RBM27: variants seen among roughly 807,000 people sequenced by gnomAD.
The protein encoded by RBM27 is RNA-binding protein 27.
In RBM27, 22 loss-of-function variants were observed where a neutral mutation model predicts 135.3. The ratio of observed to expected loss-of-function variants is 0.16; its 90% CI spans 0.12 to 0.23. The LOEUF is 0.23. Among genes scored for constraint, RBM27 ranks in the 10% least tolerant of loss-of-function variants. The pLI is 1.00. For synonymous variants in RBM27, 481 were observed against 442.4 expected, an observed-to-expected ratio of 1.09 and a Z score of -1.10; for missense variants, 1,009 against 1,281.0, an observed-to-expected ratio of 0.79 and a Z score of 3.24.
rs192861352 is a variant in RBM27 at position 146,233,709 on chromosome 5, T to A, written c.1110T>A (p.Gly370=). 3.2e-5 allele frequency: 48 copies of A among 1,481,942 alleles called. No individual in the cohort carries two copies. The East Asian group carries it at 1.1e-3, about 33-fold the overall frequency. The allele number at this position is 1,481,942 out of a possible 1,614,324, so 91.8% of individuals were successfully genotyped here. A position where few individuals can be genotyped will look rare whatever the true frequency, so the allele number is the denominator to read the frequency against. Residue 370 remains glycine, a synonymous_variant, in exon 7 of 21, where the codon GGT becomes GGA. Transcript: ENST00000265271. The part of the protein sequence containing the change: ...SMRLPVPQGH[G]QPPPSVVLPI... ...GACTTCCTGTTCCCCAAGGACATGG[T>A]CAGCCTCCACCATCCGTTGTGCTTC... is the stretch of plus-strand genomic sequence containing the variant.
intron 1 of RBM27, among the ~76,000 whole-genome samples, chr5:146,205,572 G>A (rs564139271): frequency 2.0e-5 from 3 of 149,718 alleles, no homozygotes; most frequent in Admixed American, 6.7e-5. Flanking sequence ...AAGAATATAG[G>A]TCTCTTGAAT....
chr5:146,258,636 G>A (rs766912231), intron 11 of RBM27, 43 bp downstream of exon 11: 72 of 1,422,718 alleles, frequency 5.1e-5, no homozygotes, highest in East Asian at 3.4e-4. Context: ...TGTTATTGTC[G>A]TTTGCATTGG....
chr5:146,219,233 C>T (rs1345326048), intron 2 of RBM27, 130 bp downstream of exon 2: 2 of 567,532 alleles, frequency 3.5e-6, no homozygotes, highest in Non-Finnish European at 6.1e-6. Flanking sequence ...TTGAATATAC[C>T]CATTCATACT....
At chr5:146,218,263 G>C (rs1234812157) in intron 1 of RBM27, among the ~76,000 whole-genome samples, 5 of 152,152 alleles carry the variant, frequency 3.3e-5, no homozygotes, top group African/African-American at 1.2e-4. Flanking sequence ...AGGATTATGA[G>C]CTGTCCTGGA....
chr5:146,209,408 T>C (rs2126673097), intron 1 of RBM27, among the ~76,000 whole-genome samples: 1 of 152,306 alleles, frequency 6.6e-6, no homozygotes, highest in South Asian at 2.1e-4. Context: ...CATATCAGTG[T>C]CTTTTAAAGT....
intron 8 of RBM27, among the ~76,000 whole-genome samples, chr5:146,248,078 G>GT (rs1268393790): frequency 6.6e-6 from 1 of 151,174 alleles, no homozygotes; most frequent in Non-Finnish European, 1.5e-5. Context: ...TGATTCCCTA[G>GT]TTTTTTCCAA....
intron 11 of RBM27, among the ~76,000 whole-genome samples, 179 bp downstream of exon 11, chr5:146,258,772 T>C (rs1020108664): frequency 1.3e-5 from 2 of 150,816 alleles, no homozygotes; most frequent in African/African-American, 5.0e-5. Context: ...TTTATAATTT[T>C]TTTTTTTTTT....
At chr5:146,270,826 C>T (rs1758829834) in intron 17 of RBM27, 128 bp from the exon 18 acceptor site, 4 of 555,266 alleles carry the variant, frequency 7.2e-6, no homozygotes, top group Non-Finnish European at 1.3e-5. Flanking sequence ...TTAAAAACAC[C>T]CATGTTTATT....
In RBM27 at chr5:146,271,199, G is replaced by T; in HGVS notation, c.2796+141G>T. On this transcript the variant is annotated intron_variant, in intron 18 of 20. Coordinates refer to ENST00000265271, the MANE Select transcript of RBM27 (RefSeq NM_018989.2). ...GTGGATCACCTGAGGTCAAGAGTTT[G>T]AGACAAGCCTGACCAACATGGAGAA... is the stretch of plus-strand genomic sequence containing the variant. 4.8e-6 allele frequency: 3 copies of T among 627,416 alleles called. No individual in the cohort carries two copies. The South Asian group carries it at 5.8e-5, about 12-fold the overall frequency. The allele number at this position is 627,416 out of a possible 1,614,324, so 38.9% of individuals were successfully genotyped here.
At chr5:146,216,001 G>A (rs1346918576) in intron 1 of RBM27, among the ~76,000 whole-genome samples, 2 of 152,016 alleles carry the variant, frequency 1.3e-5, no homozygotes, top group African/African-American at 2.4e-5. Flanking sequence ...CTCCTGCCTC[G>A]ACCTCCCAAG....
Position 146,270,980 on chromosome 5 carries a change from A to G in RBM27, c.2718A>G (p.Glu906=). The change falls in exon 18 of 21, where the codon GAA becomes GAG. Residue 906 remains glutamate (E), a synonymous_variant. Coordinates refer to ENST00000265271, the MANE Select transcript of RBM27 (RefSeq NM_018989.2). ...TEAQKELLDT[E]LDLHKRLSSG... is the part of the protein sequence containing the mutation. ...CCCAGAAGGAGTTATTAGATACTGA[A>G]CTGGACCTCCACAAGAGGCTGTCCT... 1 of 1,613,316 alleles carries G rather than the reference A, an allele frequency of 6.2e-7. No homozygotes were observed. Among genetic ancestry groups the G allele is most frequent in the South Asian group, 1.1e-5 (1 of 91,076 alleles).
chr5:146,225,098 A>G (rs1756614779), intron 3 of RBM27, among the ~76,000 whole-genome samples: 1 of 152,124 alleles, frequency 6.6e-6, no homozygotes, highest in East Asian at 1.9e-4. Context: ...TGATCAAGCA[A>G]TGTCCTTTTT....
intron 14 of RBM27, among the ~76,000 whole-genome samples, chr5:146,266,406 A>G (rs1364607082): frequency 6.6e-6 from 1 of 152,236 alleles, no homozygotes; most frequent in Non-Finnish European, 1.5e-5. Flanking sequence ...ACTTTAATAG[A>G]TCCCATTTCA....
intron 1 of RBM27, among the ~76,000 whole-genome samples, chr5:146,212,495 C>T (rs909555679): frequency 6.6e-6 from 1 of 151,894 alleles, no homozygotes; most frequent in African/African-American, 2.4e-5. Context: ...ACTATAGGTG[C>T]ATGCCACCAC....
chr5:146,251,828 C>T lies in RBM27; in HGVS notation c.1397C>T (p.Ser466Phe), dbSNP rs750987695. ...LVPPRNLMGS[S>F]IGYHTSVSSP... Reference sequence around the variant, plus strand: ...CCACCTCGAAACCTCATGGGATCCTCCATTGGATACCATACCTCAGTCTCC... The same window carrying T: ...CCACCTCGAAACCTCATGGGATCCTTCATTGGATACCATACCTCAGTCTCC... Residue 466 changes from serine (S) to phenylalanine (F), a missense_variant, in exon 9 of 21, where the codon TCC becomes TTC. By Grantham distance (155) the Ser-to-Phe change is radical. This residue lies in a region of RBM27 where 329 missense variants were observed against 368.1 expected (regional missense o/e 0.89). Coordinates refer to ENST00000265271, the MANE Select transcript of RBM27 (RefSeq NM_018989.2). 3.7e-6 allele frequency: 6 copies of T among 1,614,114 alleles called. No homozygotes were observed. The highest frequency in any genetic ancestry group is 5.1e-6 in the Non-Finnish European group (6 of 1,179,982).
At chr5:146,224,333 CATTT>C (rs1467911153) in intron 3 of RBM27, among the ~76,000 whole-genome samples, 1 of 152,084 alleles carries the variant, frequency 6.6e-6, no homozygotes, top group African/African-American at 2.4e-5. Flanking sequence ...ATTTTTATTA[CATTT>C]ATTCTGAAGG....
chr5:146,251,358 A>G (rs1285171425), intron 8 of RBM27, among the ~76,000 whole-genome samples: 2 of 152,150 alleles, frequency 1.3e-5, no homozygotes, highest in East Asian at 3.8e-4. Context: ...CATTGGATAG[A>G]AAAATTCTGT....
In RBM27 at chr5:146,245,106, A is replaced by G. The variant is rs148040139; in HGVS notation, c.1280-6605A>G. On this transcript the variant is annotated intron_variant, in intron 8 of 20. Transcript: ENST00000265271. ...GGTCTCAAACTCTTGGCCTGGAGCA[A>G]TCCTCTCACCTTGGCCTACCAGAAT... 834 of 151,768 alleles carry G rather than the reference A, an allele frequency of 5.5e-3. 5 individuals are homozygous for G. Among genetic ancestry groups the G allele is most frequent in the Middle Eastern group, 0.017 (5 of 292 alleles). The allele number at this position is 151,768 out of a possible 1,614,324, so 9.4% of individuals were successfully genotyped here.
In RBM27 at chr5:146,286,623, A is replaced by T. The variant is rs1252178235; in HGVS notation, c.*593A>T. 1 of 151,960 alleles carries T rather than the reference A, an allele frequency of 6.6e-6. No homozygotes were observed. Among genetic ancestry groups the T allele is most frequent in the African/African-American group, 2.4e-5 (1 of 41,334 alleles). The allele number at this position is 151,960 out of a possible 1,614,324, so 9.4% of individuals were successfully genotyped here. A position where few individuals can be genotyped will look rare whatever the true frequency, so the allele number is the denominator to read the frequency against. ...TATGTGTGGTAGTACTAGTTCAGTG[A>T]AAATCACAACAAACTGTGTGTTCTT... On this transcript the variant is annotated 3_prime_UTR_variant, in exon 21 of 21. Transcript: ENST00000265271.
Sources: allele counts gnomAD v4.1 joint callset (sites outside exome capture counted in the v4.1 genomes callset), GRCh38; gene constraint gnomAD v4.1.1; regional missense constraint gnomAD v4.1.1; transcripts MANE v1.5; gene names NCBI Gene and HGNC (gene_info 2026-07-23, HGNC 2026-07-21).